The following LHFPL3 variants were observed in gnomAD, a reference collection of about 807,000 sequenced individuals.
LHFPL3 encodes the protein LHFPL tetraspan subfamily member 3 protein.
A neutral mutation model predicts 19.3 loss-of-function variants in LHFPL3; 5 were observed. The observed-to-expected ratio is 0.26, with a 90% confidence interval of 0.14 to 0.54. The LOEUF (loss-of-function observed/expected upper bound fraction) is 0.54. Ranked by LOEUF, LHFPL3 falls within the 20% of genes least tolerant of loss-of-function variation. LHFPL3 has a pLI of 0.94. For synonymous variants in LHFPL3, 133 were observed against 126.2 expected, an observed-to-expected ratio of 1.05 and a Z score of -0.36; for missense variants, 249 against 307.4, an observed-to-expected ratio of 0.81 and a Z score of 1.42.
intron 2 of LHFPL3, among the ~76,000 whole-genome samples, chr7:104,742,501 G>A (rs1793953221): frequency 1.3e-5 from 2 of 152,122 alleles, no homozygotes; most frequent in South Asian, 2.1e-4. Flanking sequence ...TTTGTTTTAG[G>A]TATCACACCA....
At chr7:104,645,499 A>C (rs1791914977) in intron 1 of LHFPL3, among the ~76,000 whole-genome samples, 1 of 152,084 alleles carries the variant, frequency 6.6e-6, no homozygotes, top group South Asian at 2.1e-4. Flanking sequence ...CCCTAAGATG[A>C]TCTCACAATA....
chr7:104,768,071 T>C (rs943721626), intron 2 of LHFPL3, among the ~76,000 whole-genome samples: 1 of 147,930 alleles, frequency 6.8e-6, no homozygotes, highest in African/African-American at 2.5e-5. Flanking sequence ...TTCTTCCCCA[T>C]CAGCCTTCAT....
intron 1 of LHFPL3, among the ~76,000 whole-genome samples, chr7:104,390,871 C>G (rs949004171): frequency 6.6e-6 from 1 of 152,184 alleles, no homozygotes; most frequent in Admixed American, 6.5e-5. Context: ...TTAATGATCG[C>G]CATTCTAACT....
intron 1 of LHFPL3, chr7:104,669,651 C>T: frequency 1.5e-6 from 2 of 1,324,474 alleles, no homozygotes; most frequent in Non-Finnish European, 2.1e-6. Flanking sequence ...AACCTCTATC[C>T]AGACAAGACA....
intron 1 of LHFPL3, among the ~76,000 whole-genome samples, chr7:104,417,885 T>TTC (rs56342915): frequency 0.18 from 12,631 of 69,552 alleles, 453 homozygotes; most frequent in Middle Eastern, 0.21. Flanking sequence ...CTTCTTCTTC[T>TTC]TTTTTTTTTT....
chr7:104,534,317 G>A (rs936196851), intron 1 of LHFPL3, among the ~76,000 whole-genome samples: 1 of 152,194 alleles, frequency 6.6e-6, no homozygotes, highest in Non-Finnish European at 1.5e-5. Flanking sequence ...GTGTGTTTGA[G>A]ACAGGGCTAT....
At chr7:104,578,417 A>T (rs1473997562) in intron 1 of LHFPL3, among the ~76,000 whole-genome samples, 1 of 152,230 alleles carries the variant, frequency 6.6e-6, no homozygotes, top group Non-Finnish European at 1.5e-5. Flanking sequence ...AGCCAGGGGT[A>T]TCCCCTGCCT....
At chr7:104,771,643 T>C (rs2116399303) in intron 2 of LHFPL3, among the ~76,000 whole-genome samples, 1 of 151,536 alleles carries the variant, frequency 6.6e-6, no homozygotes, top group South Asian at 2.1e-4. Flanking sequence ...ATATTTTGGC[T>C]CTATTTTGTA....
chr7:104,549,448 A>ACCACACAC (rs767795813), intron 1 of LHFPL3, among the ~76,000 whole-genome samples: 1 of 140,238 alleles, frequency 7.1e-6, no homozygotes, highest in Non-Finnish European at 1.6e-5. Flanking sequence ...CCCTTAACCC[A>ACCACACAC]ACACACACAC....
At chr7:104,430,428 A>G (rs1300830488) in intron 1 of LHFPL3, among the ~76,000 whole-genome samples, 47 of 11,298 alleles carry the variant, frequency 4.2e-3, no homozygotes, top group African/African-American at 7.3e-3. Context: ...ACATATATAT[A>G]TATATATATA....
chr7:104,406,472 A>G (rs1172690414), intron 1 of LHFPL3, among the ~76,000 whole-genome samples: 2 of 152,228 alleles, frequency 1.3e-5, no homozygotes, highest in East Asian at 3.8e-4. Context: ...TTTATTCCTC[A>G]AAACTACCTG....
intron 1 of LHFPL3, among the ~76,000 whole-genome samples, chr7:104,430,825 C>T (rs1422061415): frequency 1.3e-5 from 2 of 151,860 alleles, no homozygotes; most frequent in Admixed American, 1.3e-4. Flanking sequence ...TGCTAGGAAA[C>T]CCAGCTCCCT....
At chr7:104,679,559 T>G (rs1193575932) in intron 1 of LHFPL3, among the ~76,000 whole-genome samples, 1 of 152,248 alleles carries the variant, frequency 6.6e-6, no homozygotes, top group Non-Finnish European at 1.5e-5. Flanking sequence ...TCAATGTTTA[T>G]TTCATTACAC....
intron 1 of LHFPL3, among the ~76,000 whole-genome samples, chr7:104,702,910 C>T (rs974468257): frequency 1.1e-4 from 16 of 152,192 alleles, no homozygotes; most frequent in African/African-American, 3.6e-4. Flanking sequence ...TCAGGAAAAT[C>T]CTGGAAGGTC....
At chr7:104,540,089 ATC>A (rs1426284652) in intron 1 of LHFPL3, among the ~76,000 whole-genome samples, 1 of 152,148 alleles carries the variant, frequency 6.6e-6, no homozygotes, top group Non-Finnish European at 1.5e-5. Flanking sequence ...TTGGGCCTTA[ATC>A]TCTCAATGGT....
At chr7:104,694,953 G>A (rs917252946) in intron 1 of LHFPL3, among the ~76,000 whole-genome samples, 6 of 152,186 alleles carry the variant, frequency 3.9e-5, no homozygotes, top group Non-Finnish European at 5.9e-5. Flanking sequence ...ATAGCTAGGC[G>A]CAGGAAGATT....
intron 1 of LHFPL3, among the ~76,000 whole-genome samples, chr7:104,699,692 C>T (rs1285575862): frequency 1.3e-5 from 2 of 152,144 alleles, no homozygotes; most frequent in Non-Finnish European, 2.9e-5. Flanking sequence ...TAAAATGGTA[C>T]ATTTTATGTT....
At chr7:104,668,801 T>C (rs1792415380) in intron 1 of LHFPL3, 2 of 1,592,488 alleles carry the variant, frequency 1.3e-6, no homozygotes, top group Admixed American at 3.4e-5. Context: ...TAACTCCCAG[T>C]CCACTCGAGC....
intron 1 of LHFPL3, among the ~76,000 whole-genome samples, chr7:104,361,075 T>C (rs1562874864): frequency 6.6e-6 from 1 of 152,342 alleles, no homozygotes; most frequent in East Asian, 1.9e-4. Context: ...AACCCAGCCA[T>C]GCTCAGTCAC....
Sources: allele counts gnomAD v4.1 joint callset (sites outside exome capture counted in the v4.1 genomes callset), GRCh38; gene constraint gnomAD v4.1.1; transcripts MANE v1.5; gene names NCBI Gene and HGNC (gene_info 2026-07-23, HGNC 2026-07-21).